ROPN1: variants seen among roughly 807,000 people sequenced by gnomAD.
The protein encoded by ROPN1 is ropporin-1A.
In ROPN1, 14 loss-of-function variants were observed where a neutral mutation model predicts 20.5. The ratio of observed to expected loss-of-function variants is 0.68; its 90% CI spans 0.45 to 1.07. The LOEUF (loss-of-function observed/expected upper bound fraction) is 1.07, where lower values mean the gene tolerates loss of function less well. Ranked by LOEUF, ROPN1 falls within the 50% of genes least tolerant of loss-of-function variation. The pLI is 0.00. For synonymous variants in ROPN1, 76 were observed against 95.7 expected (o/e 0.79, Z 1.20); for missense variants, 169 against 242.8 (o/e 0.70, Z 2.02).
At chr3:123,990,432 A>G (rs574545405) in intron 1 of ROPN1, among the ~76,000 whole-genome samples, 2 of 152,186 alleles carry the variant, frequency 1.3e-5, no homozygotes, top group South Asian at 4.2e-4. Flanking sequence ...AATAGAAAAC[A>G]CTAAAGGAGG....
chr3:123,977,676 G>C lies in ROPN1; in HGVS notation c.117-695C>G, dbSNP rs1181549118. 2.0e-5 allele frequency among the ~76,000 whole-genome samples: 3 copies of C among 152,252 alleles called. No homozygotes were observed. In the East Asian group the frequency reaches 5.8e-4, roughly 29 times the overall value. ...AGAGCATTGGCAGGGCAGCCTGCAA[G>C]GCTCAGGAGAGAAGAGAAGCCGAAG... On this transcript the variant is annotated intron_variant, in intron 2 of 5. Transcript: ENST00000405845.
chr3:123,976,381 C>G (rs192818800), intron 3 of ROPN1, among the ~76,000 whole-genome samples: 1 of 152,270 alleles, frequency 6.6e-6, no homozygotes, highest in East Asian at 1.9e-4. Flanking sequence ...CAAGCTGCAC[C>G]TTCCTCATGC....
chr3:123,979,881 C>T (rs2038101144), intron 2 of ROPN1: 1 of 353,530 alleles, frequency 2.8e-6, no homozygotes, highest in African/African-American at 2.1e-5. Context: ...GAAGTGTCTC[C>T]TTAAAGGAGT....
intron 1 of ROPN1, among the ~76,000 whole-genome samples, chr3:123,984,169 C>T (rs112001255): frequency 6.6e-6 from 1 of 152,108 alleles, no homozygotes; most frequent in African/African-American, 2.4e-5. Context: ...TTGGAGAGCT[C>T]GCAGCCTCTT....
intron 2 of ROPN1, chr3:123,978,871 GATACA>G (rs2038077185): frequency 6.5e-6 from 1 of 153,498 alleles, no homozygotes; most frequent in Non-Finnish European, 1.5e-5. Flanking sequence ...TATAGCACGT[GATACA>G]ATACGAGAGC....
chr3:123,974,006 G>A (rs1436888166), intron 4 of ROPN1, among the ~76,000 whole-genome samples: 1 of 152,184 alleles, frequency 6.6e-6, no homozygotes, highest in Non-Finnish European at 1.5e-5. Flanking sequence ...TGCCATCTTG[G>A]AGAAGAGAGC....
intron 1 of ROPN1, among the ~76,000 whole-genome samples, chr3:123,990,106 G>A (rs1020860815): frequency 5.3e-5 from 8 of 152,330 alleles, no homozygotes; most frequent in African/African-American, 1.9e-4. Context: ...TGGATGAGCT[G>A]AAGAGAGGAT....
chr3:123,976,918 A>C lies in ROPN1; in HGVS notation c.180T>G (p.Ala60=), dbSNP rs1413911266. 31 of 1,612,810 alleles carry C rather than the reference A, an allele frequency of 1.9e-5. No homozygotes were observed. Among genetic ancestry groups the C allele is most frequent in the Non-Finnish European group, 4.2e-6 (5 of 1,179,534 alleles). Residue 60 remains alanine, a synonymous_variant, in exon 3 of 6, where the codon GCT becomes GCG. Coordinates refer to ENST00000405845, the MANE Select transcript of ROPN1 (RefSeq NM_001317774.2). ...PPVRERSERV[A]LCNRAELTPE... is the part of the protein sequence containing the mutation. ...GTGTTAGCTCTGCCCGGTTACACAAAGCGACTCGCTCAGACCGCTCTCTCA... is the reference window on the plus strand; with the variant it reads ...GTGTTAGCTCTGCCCGGTTACACAACGCGACTCGCTCAGACCGCTCTCTCA...
intron 1 of ROPN1, 126 bp from the exon 2 acceptor site, chr3:123,980,619 C>T (rs2038122994): frequency 1.3e-6 from 1 of 747,948 alleles, no homozygotes; most frequent in Non-Finnish European, 2.1e-6. Flanking sequence ...AAGACAAATG[C>T]ATTCTATTAT....
Position 123,977,798 on chromosome 3 carries a change from A to G in ROPN1, c.117-817T>C, listed in dbSNP as rs142437248. Among the ~76,000 whole-genome samples, 454 of 152,304 alleles carry G rather than the reference A, an allele frequency of 3.0e-3. 1 individual carries two copies. Among genetic ancestry groups the G allele is most frequent in the African/African-American group, 0.01 (420 of 41,574 alleles). On this transcript the variant is annotated intron_variant, in intron 2 of 5. Coordinates refer to ENST00000405845, the MANE Select transcript of ROPN1 (RefSeq NM_001317774.2). ...TTCAGTGAAATCTGCCTGCTCCTCA[A>G]TGTTTTGTGGAGTGGACTTCGTTTG...
At chr3:123,987,037 T>A (rs2038276607) in intron 1 of ROPN1, among the ~76,000 whole-genome samples, 1 of 152,174 alleles carries the variant, frequency 6.6e-6, no homozygotes, top group South Asian at 2.1e-4. Flanking sequence ...ACAGCTAAAG[T>A]CTCTTATTGG....
chr3:123,978,342 A>G (rs1175667255), intron 2 of ROPN1, among the ~76,000 whole-genome samples: 2 of 152,232 alleles, frequency 1.3e-5, no homozygotes, highest in Non-Finnish European at 2.9e-5. Context: ...CTTGGGTGGT[A>G]TAAATGGGAG....
chr3:123,979,744 A>G (rs1177469417), intron 2 of ROPN1: 1 of 358,298 alleles, frequency 2.8e-6, no homozygotes, highest in Non-Finnish European at 5.5e-6. Context: ...TACTGTGCGG[A>G]CATCTTTATG....
At position 123,976,986 on chromosome 3, in the gene ROPN1, A is replaced by C. The variant is rs2038038333; in HGVS notation, c.117-5T>G. 2 of 1,609,030 alleles carry C rather than the reference A, an allele frequency of 1.2e-6. No homozygotes were observed. The highest frequency in any genetic ancestry group is 1.7e-6 in the Non-Finnish European group (2 of 1,177,970). On this transcript the variant is annotated splice_region_variant and splice_polypyrimidine_tract_variant and intron_variant, in intron 2 of 5. Transcript: ENST00000405845. ...CGGGACAGGGCCTCAAAATAACTAC[A>C]AGAAAAAAAGTCAGAGAGTAGGAGG...
intron 4 of ROPN1, among the ~76,000 whole-genome samples, chr3:123,973,258 G>T (rs917406996): frequency 2.0e-5 from 3 of 152,166 alleles, no homozygotes; most frequent in Non-Finnish European, 4.4e-5. Context: ...ATTGATTACT[G>T]GTTTCATAGG....
chr3:123,973,821 C>G (rs544096504), intron 4 of ROPN1, among the ~76,000 whole-genome samples: 1 of 152,310 alleles, frequency 6.6e-6, no homozygotes, highest in Non-Finnish European at 1.5e-5. Flanking sequence ...CATCATCAGC[C>G]TTTCACCAGT....
chr3:123,980,718 T>A (rs1266080943), intron 1 of ROPN1: 1 of 419,450 alleles, frequency 2.4e-6, no homozygotes, highest in Non-Finnish European at 4.2e-6. Flanking sequence ...TACACAGCCC[T>A]TGTTCATTTA....
Position 123,970,158 on chromosome 3 carries a change from C to T in ROPN1, c.456G>A (p.Gly152=). Residue 152 remains glycine, a synonymous_variant, in exon 5 of 6, where the codon GGG becomes GGA. Transcript: ENST00000405845. ...CEVLSCDHNG[G]SPRIPFSTFQ... is the part of the protein sequence containing the mutation. ...AGGTGCTGAACGGGATCCGGGGCGA[C>T]CCACCATTATGGTCACATGATAAGA... The T allele has an allele frequency of 6.2e-7, 1 of 1,614,098 alleles. No individual in the cohort carries two copies. Among genetic ancestry groups the T allele is most frequent in the Non-Finnish European group, 8.5e-7 (1 of 1,179,980 alleles).
chr3:123,985,799 G>A (rs2038237754), intron 1 of ROPN1, among the ~76,000 whole-genome samples: 1 of 151,742 alleles, frequency 6.6e-6, no homozygotes, highest in South Asian at 2.1e-4. Flanking sequence ...CGGATCACTT[G>A]AGCTCAGTTC....
Sources: gnomAD v4.1 joint callset for allele counts (sites outside exome capture counted in the v4.1 genomes callset) on GRCh38, gnomAD v4.1.1 for gene constraint, MANE v1.5 for transcripts, NCBI Gene and HGNC (gene_info 2026-07-23, HGNC 2026-07-21) for gene names.